The following RNF130 variants were observed in gnomAD, a reference collection of about 807,000 sequenced individuals.
The protein encoded by RNF130 is E3 ubiquitin-protein ligase RNF130.
A neutral mutation model predicts 44.6 loss-of-function variants in RNF130; 21 were observed. The observed-to-expected ratio is 0.47, with a 90% confidence interval of 0.33 to 0.68. The LOEUF is 0.68. RNF130 is among the 30% of genes least tolerant of loss of function. The probability of loss-of-function intolerance (pLI) is 0.02; values close to 1 mark genes in which losing one functional copy is unlikely to be tolerated. For missense variants in RNF130, 479 were observed against 560.6 expected (o/e 0.85, Z 1.47); for synonymous variants, 214 against 210.4 (o/e 1.02, Z -0.15).
intron 7 of RNF130, among the ~76,000 whole-genome samples, chr5:179,945,058 C>T (rs1762018089): frequency 6.6e-6 from 1 of 152,176 alleles, no homozygotes; most frequent in Non-Finnish European, 1.5e-5. Context: ...GGGTGGATCG[C>T]TTGAGGCCAG....
chr5:180,047,485 C>A (rs1208766766), intron 1 of RNF130, among the ~76,000 whole-genome samples: 2 of 152,174 alleles, frequency 1.3e-5, no homozygotes, highest in Non-Finnish European at 2.9e-5. Flanking sequence ...TGGTTCATAG[C>A]TGTCATCCCA....
At chr5:180,057,331 C>T (rs1764854153) in intron 1 of RNF130, among the ~76,000 whole-genome samples, 1 of 152,142 alleles carries the variant, frequency 6.6e-6, no homozygotes, top group South Asian at 2.1e-4. Flanking sequence ...GGAGGATCAC[C>T]CGAGGTCAGG....
At chr5:179,974,290 C>T (rs1762661678) in intron 5 of RNF130, among the ~76,000 whole-genome samples, 1 of 152,192 alleles carries the variant, frequency 6.6e-6, no homozygotes, top group Non-Finnish European at 1.5e-5. Flanking sequence ...ATCCACGCGG[C>T]AACTCCACTT....
intron 7 of RNF130, among the ~76,000 whole-genome samples, chr5:179,940,738 T>G (rs1761960049): frequency 6.6e-6 from 1 of 152,150 alleles, no homozygotes; most frequent in African/African-American, 2.4e-5. Flanking sequence ...AATCTGCAGT[T>G]TGATGTCTTT....
At chr5:180,022,107 C>T (rs1403156430) in intron 2 of RNF130, among the ~76,000 whole-genome samples, 1 of 152,246 alleles carries the variant, frequency 6.6e-6, no homozygotes, top group Non-Finnish European at 1.5e-5. Flanking sequence ...TTTCAGTGTA[C>T]ACCACCAGGC....
intron 2 of RNF130, among the ~76,000 whole-genome samples, chr5:180,022,195 A>T (rs952715371): frequency 2.0e-5 from 3 of 152,204 alleles, no homozygotes; most frequent in Non-Finnish European, 4.4e-5. Context: ...TCCTCCAGGC[A>T]TGTGCACTGT....
intron 1 of RNF130, among the ~76,000 whole-genome samples, chr5:180,052,334 TAG>T (rs1203794779): frequency 6.6e-6 from 1 of 152,230 alleles, no homozygotes; most frequent in East Asian, 1.9e-4. Flanking sequence ...CTTTCCAGTG[TAG>T]AGTTCTGGCT....
At chr5:179,958,570 G>T (rs570997562) in intron 8 of RNF130, among the ~76,000 whole-genome samples, 9 of 152,188 alleles carry the variant, frequency 5.9e-5, no homozygotes, top group Non-Finnish European at 1.3e-4. Flanking sequence ...TCTGAGGTCG[G>T]CCTGTGAACA....
chr5:180,055,902 G>A (rs1421445160), intron 1 of RNF130, among the ~76,000 whole-genome samples: 1 of 151,976 alleles, frequency 6.6e-6, no homozygotes, highest in Non-Finnish European at 1.5e-5. Flanking sequence ...TGGCCAACAG[G>A]GTGAAACCCT....
intron 1 of RNF130, among the ~76,000 whole-genome samples, chr5:180,057,294 A>G (rs946341236): frequency 1.3e-5 from 2 of 152,242 alleles, no homozygotes; most frequent in Non-Finnish European, 2.9e-5. Context: ...CACGCCTGTA[A>G]TCCCAGCACT....
intron 3 of RNF130, among the ~76,000 whole-genome samples, chr5:180,007,356 G>A (rs1038141519): frequency 5.9e-5 from 9 of 152,132 alleles, no homozygotes; most frequent in South Asian, 2.1e-4. Flanking sequence ...AGCCAAGATC[G>A]CGCCACTGCA....
intron 7 of RNF130, among the ~76,000 whole-genome samples, chr5:179,928,225 G>A (rs1407651217): frequency 1.3e-5 from 2 of 152,176 alleles, no homozygotes; most frequent in Non-Finnish European, 2.9e-5. Flanking sequence ...TGGGATTGCT[G>A]GGTCTTAGGT....
chr5:179,986,679 A>G (rs1561681508), intron 3 of RNF130, among the ~76,000 whole-genome samples: 2 of 152,298 alleles, frequency 1.3e-5, no homozygotes, highest in Non-Finnish European at 2.9e-5. Flanking sequence ...CATGGTTTAC[A>G]TTTCTTCCAA....
At chr5:180,048,372 T>C (rs999906697) in intron 1 of RNF130, among the ~76,000 whole-genome samples, 1 of 152,184 alleles carries the variant, frequency 6.6e-6, no homozygotes, top group African/African-American at 2.4e-5. Flanking sequence ...GAGGATGATA[T>C]TATTATCAAA....
At chr5:179,931,765 ACT>A (rs1761811205) in intron 7 of RNF130, among the ~76,000 whole-genome samples, 2 of 123,612 alleles carry the variant, frequency 1.6e-5, no homozygotes. Context: ...ACAGAGCCAG[ACT>A]CTGTCTTAAA....
chr5:179,989,344 G>A (rs1172996588), intron 3 of RNF130, among the ~76,000 whole-genome samples: 10 of 152,036 alleles, frequency 6.6e-5, no homozygotes, highest in Non-Finnish European at 5.9e-5. Flanking sequence ...CGTATCAGCC[G>A]GATACTGAAT....
intron 2 of RNF130, among the ~76,000 whole-genome samples, chr5:180,016,313 T>C (rs1763729853): frequency 6.6e-6 from 1 of 150,460 alleles, no homozygotes; most frequent in African/African-American, 2.5e-5. Context: ...CACTTGACTT[T>C]TAAGGATCTG....
chr5:179,917,637 G>A (rs1761572194), exon 8 of RNF130: 1 of 152,148 alleles, frequency 6.6e-6, no homozygotes, highest in Non-Finnish European at 1.5e-5. Flanking sequence ...TCCTGCCAGG[G>A]TCCCGACTTA....
chr5:180,011,039 C>T (rs758794351), intron 3 of RNF130, among the ~76,000 whole-genome samples: 8 of 152,216 alleles, frequency 5.3e-5, no homozygotes, highest in Non-Finnish European at 1.2e-4. Context: ...GGATAAGAGA[C>T]ATCTTTGTAT....
Sources: gnomAD v4.1 joint callset for allele counts (sites outside exome capture counted in the v4.1 genomes callset) on GRCh38, gnomAD v4.1.1 for gene constraint, MANE v1.5 for transcripts, NCBI Gene and HGNC (gene_info 2026-07-23, HGNC 2026-07-21) for gene names.